RAP1A: variants seen among roughly 807,000 people sequenced by gnomAD.
RAP1A encodes ras-related protein Rap-1A.
Under a neutral mutation model 26.4 loss-of-function variants are expected in RAP1A, and 6 were observed. That is an observed-to-expected ratio of 0.23 (90% CI 0.12 to 0.45). RAP1A has a LOEUF of 0.45. Ranked by LOEUF, RAP1A falls within the 20% of genes least tolerant of loss-of-function variation. The probability of loss-of-function intolerance (pLI) is 0.99; values close to 1 mark genes in which losing one functional copy is unlikely to be tolerated. For synonymous variants in RAP1A, 73 were observed against 79.4 expected, an observed-to-expected ratio of 0.92 and a Z score of 0.43; for missense variants, 121 against 217.2, an observed-to-expected ratio of 0.56 and a Z score of 2.78.
intron 1 of RAP1A, among the ~76,000 whole-genome samples, chr1:111,571,920 G>A (rs569644773): frequency 6.6e-6 from 1 of 152,318 alleles, no homozygotes. Flanking sequence ...AGCTAATTAT[G>A]AGGCTCTCTG....
intron 1 of RAP1A, among the ~76,000 whole-genome samples, chr1:111,621,377 T>G (rs1168419713): frequency 6.6e-6 from 1 of 152,234 alleles, no homozygotes; most frequent in Admixed American, 6.5e-5. Flanking sequence ...CTTTCTGTCT[T>G]TATTATGCTT....
intron 1 of RAP1A, among the ~76,000 whole-genome samples, chr1:111,574,430 G>A (rs546287663): frequency 4.1e-4 from 63 of 152,238 alleles, no homozygotes; most frequent in Non-Finnish European, 7.6e-4. Flanking sequence ...GATTGCCTTG[G>A]CTATTCAGGC....
intron 5 of RAP1A, 96 bp downstream of exon 5, chr1:111,703,572 A>T: frequency 8.4e-7 from 1 of 1,193,102 alleles, no homozygotes; most frequent in Non-Finnish European, 1.1e-6. Flanking sequence ...TTTGGAAGCT[A>T]TCTACCACAT....
intron 1 of RAP1A, among the ~76,000 whole-genome samples, chr1:111,604,173 A>T (rs1658726210): frequency 6.6e-6 from 1 of 152,202 alleles, no homozygotes; most frequent in East Asian, 1.9e-4. Flanking sequence ...CAAAGTCAGC[A>T]CCTACAGACT....
Position 111,714,080 on chromosome 1 carries a change from T to C in RAP1A, c.*1679T>C, listed in dbSNP as rs1662463622. ...AAATTTTAAAATCAGGTTTCAAATG[T>C]TAAGCTTTGACCAACCTGAGAAAAT... On this transcript the variant is annotated 3_prime_UTR_variant, in exon 8 of 8. Transcript: ENST00000369709. The C allele has an allele frequency of 6.6e-6, 1 of 152,234 alleles. No individual in the cohort carries two copies. The highest frequency in any genetic ancestry group is 6.5e-5 in the Admixed American group (1 of 15,290). 9.4% of individuals were successfully genotyped at this position (152,234 alleles called of 1,614,324 possible). A position where few individuals can be genotyped will look rare whatever the true frequency, so the allele number is the denominator to read the frequency against.
chr1:111,572,901 C>T (rs1274997981), intron 1 of RAP1A, among the ~76,000 whole-genome samples: 1 of 152,162 alleles, frequency 6.6e-6, no homozygotes, highest in Non-Finnish European at 1.5e-5. Flanking sequence ...CCTCTTCCCA[C>T]CCTCTACTCT....
chr1:111,598,324 A>G (rs1472931226), intron 1 of RAP1A, among the ~76,000 whole-genome samples: 1 of 152,208 alleles, frequency 6.6e-6, no homozygotes, highest in African/African-American at 2.4e-5. Context: ...AGATACTGTT[A>G]TTATGCCATT....
At chr1:111,652,202 G>A (rs1337734456) in intron 1 of RAP1A, among the ~76,000 whole-genome samples, 1 of 151,938 alleles carries the variant, frequency 6.6e-6, no homozygotes, top group African/African-American at 2.4e-5. Context: ...TCGAACTCCT[G>A]ATCTCAGGTG....
intron 2 of RAP1A, among the ~76,000 whole-genome samples, chr1:111,692,237 T>A (rs569427882): frequency 3.6e-4 from 54 of 152,014 alleles, no homozygotes; most frequent in Non-Finnish European, 6.5e-4. Flanking sequence ...ATTTTATGGA[T>A]GGATTAAAAG....
chr1:111,614,826 C>A (rs76801387), upstream of RAP1A, among the ~76,000 whole-genome samples: 2,274 of 152,176 alleles, frequency 0.015, 50 homozygotes, highest in African/African-American at 0.052. Context: ...CTGCAAGGGA[C>A]ATTAGCATAA....
Position 111,549,564 on chromosome 1 carries a change from C to A in RAP1A, c.-28+7055C>A, listed in dbSNP as rs539742289. Among the ~76,000 whole-genome samples, 10 of 151,024 alleles carry A rather than the reference C, an allele frequency of 6.6e-5. No homozygotes were observed. The East Asian group carries it at 1.4e-3, about 21-fold the overall frequency. On this transcript the variant is annotated intron_variant, in intron 1 of 7. Transcript: ENST00000356415. ...ACTAGGGAGGCTGAGACAGGAGAAT[C>A]GCTTGAACTGAGGAGGCGGAGGTTG...
intron 1 of RAP1A, among the ~76,000 whole-genome samples, chr1:111,613,453 C>T (rs528859221): frequency 1.3e-5 from 2 of 152,316 alleles, no homozygotes; most frequent in African/African-American, 4.8e-5. Flanking sequence ...CCCACCTTGG[C>T]CTCCCAAAGT....
chr1:111,605,020 C>G (rs1407164885), intron 1 of RAP1A, among the ~76,000 whole-genome samples: 1 of 152,156 alleles, frequency 6.6e-6, no homozygotes, highest in African/African-American at 2.4e-5. Context: ...TGGTTTCTTG[C>G]CAGGCAGCAA....
intron 1 of RAP1A, among the ~76,000 whole-genome samples, chr1:111,659,292 T>C (rs1216584642): frequency 1.3e-5 from 2 of 152,192 alleles, no homozygotes; most frequent in African/African-American, 4.8e-5. Flanking sequence ...CAATACCTAA[T>C]AATAGAACAA....
chr1:111,634,417 C>T (rs1659662609), intron 1 of RAP1A, among the ~76,000 whole-genome samples: 1 of 151,344 alleles, frequency 6.6e-6, no homozygotes, highest in Non-Finnish European at 1.5e-5. Context: ...GATTTTAGTA[C>T]TTATTTTTAA....
chr1:111,582,538 C>G (rs1284232268), intron 1 of RAP1A, among the ~76,000 whole-genome samples: 3 of 152,142 alleles, frequency 2.0e-5, no homozygotes, highest in Non-Finnish European at 4.4e-5. Flanking sequence ...ACTTACAACT[C>G]CCTTGACTGA....
chr1:111,631,291 T>C (rs897837210), intron 1 of RAP1A, among the ~76,000 whole-genome samples: 1 of 152,182 alleles, frequency 6.6e-6, no homozygotes, highest in Admixed American at 6.5e-5. Context: ...GTCATTGCAG[T>C]TGGTAGACAA....
intron 1 of RAP1A, among the ~76,000 whole-genome samples, chr1:111,594,605 C>G (rs9659724): frequency 7.3e-6 from 1 of 136,514 alleles, no homozygotes; most frequent in Admixed American, 7.1e-5. Flanking sequence ...AGGAAGGAAG[C>G]AAGGAGAGCG....
chr1:111,698,241 T>G (rs1045069362), intron 4 of RAP1A, among the ~76,000 whole-genome samples: 1 of 152,204 alleles, frequency 6.6e-6, no homozygotes, highest in East Asian at 1.9e-4. Flanking sequence ...ACTTGACACA[T>G]TAGGCAATTC....
Sources: allele counts gnomAD v4.1 joint callset (sites outside exome capture counted in the v4.1 genomes callset), GRCh38; gene constraint gnomAD v4.1.1; transcripts MANE v1.5; gene names NCBI Gene and HGNC (gene_info 2026-07-23, HGNC 2026-07-21).